The following CD300C variants were observed in gnomAD, a reference collection of about 807,000 sequenced individuals.
CD300C encodes CMRF35-like molecule 6.
A neutral mutation model predicts 18.4 loss-of-function variants in CD300C; 11 were observed. That is an observed-to-expected ratio of 0.60 (90% CI 0.38 to 0.99). The LOEUF (loss-of-function observed/expected upper bound fraction) is 0.99. Ranked by LOEUF, CD300C falls within the 50% of genes least tolerant of loss-of-function variation. The probability of loss-of-function intolerance (pLI) is 0.01; values close to 1 mark genes in which losing one functional copy is unlikely to be tolerated. For missense variants in CD300C, 277 were observed against 287.4 expected, an observed-to-expected ratio of 0.96 and a Z score of 0.26; for synonymous variants, 116 against 116.3, an observed-to-expected ratio of 1.00 and a Z score of 0.02.
chr17:74,539,042 A>T (rs1908461708), downstream of CD300C, among the ~76,000 whole-genome samples: 1 of 152,210 alleles, frequency 6.6e-6, no homozygotes, highest in South Asian at 2.1e-4. Context: ...CAAGGAGGCT[A>T]GTCAGATACA....
intron 3 of CD300C, 21 bp downstream of exon 3, chr17:74,542,839 GT>G (rs1427964342): frequency 6.3e-7 from 1 of 1,599,968 alleles, no homozygotes; most frequent in South Asian, 1.1e-5. Flanking sequence ...GCGTGGCCCA[GT>G]CCTATGCGCA....
intron 1 of CD300C, among the ~76,000 whole-genome samples, 179 bp downstream of exon 1, chr17:74,545,543 T>C (rs1481040190): frequency 6.6e-6 from 1 of 152,202 alleles, no homozygotes; most frequent in Non-Finnish European, 1.5e-5. Context: ...CCCCGTGCTG[T>C]GCCCTGCCGC....
chr17:74,544,786 C>T lies in CD300C; in HGVS notation c.223G>A (p.Ala75Thr), dbSNP rs1199397529. 7 of 1,614,276 alleles carry T rather than the reference C, an allele frequency of 4.3e-6. No individual in the cohort carries two copies. Among genetic ancestry groups the T allele is most frequent in the Non-Finnish European group, 5.9e-6 (7 of 1,180,054 alleles). ...GACACTCGGCCATTCCTTTTCCCTG[C>T]TGACCCTTTGGTCTCCACAATCTTG... The part of the protein sequence containing the change: ...CDKIVETKGS[A>T]GKRNGRVSIR... The change falls in exon 2 of 4, where the codon GCA becomes ACA. Residue 75 changes from alanine (A) to threonine (T), a missense_variant. Physicochemically the swap from Ala to Thr is moderately conservative, Grantham distance 58. Coordinates refer to ENST00000330793, the MANE Select transcript of CD300C (RefSeq NM_006678.5).
the CD300C span, among the ~76,000 whole-genome samples, chr17:74,535,830 A>G: frequency 6.6e-6 from 1 of 152,240 alleles, no homozygotes; most frequent in African/African-American, 2.4e-5. Flanking sequence ...AAGACATTTA[A>G]ATACAGCTAT....
chr17:74,536,935 C>CA (rs758760856), downstream of CD300C, among the ~76,000 whole-genome samples: 21 of 139,472 alleles, frequency 1.5e-4, no homozygotes, highest in Non-Finnish European at 2.5e-4. Flanking sequence ...GTAATGGCAA[C>CA]ACAAAAAGAA....
chr17:74,543,896 T>G lies in CD300C; in HGVS notation c.400+713A>C, dbSNP rs149006508. ...GGTCCCTTTGCCTGAGGGGGCAATT[T>G]CTGGGGTTCCCTCCTGTGGTAAAAG... is the stretch of plus-strand genomic sequence containing the variant. On this transcript the variant is annotated intron_variant, in intron 2 of 3. Transcript: ENST00000330793. Among the ~76,000 whole-genome samples, 364 of 152,242 alleles carry G rather than the reference T, an allele frequency of 2.4e-3. 1 individual carries two copies. Among genetic ancestry groups the G allele is most frequent in the Non-Finnish European group, 2.2e-3 (152 of 67,994 alleles).
Position 74,544,786 on chromosome 17 carries a change from C to A in CD300C, c.223G>T (p.Ala75Ser). Residue 75 changes from alanine (A) to serine (S), a missense_variant, in exon 2 of 4, where the codon GCA becomes TCA. Ala to Ser is a moderately conservative substitution (Grantham distance 99). Coordinates refer to ENST00000330793, the MANE Select transcript of CD300C (RefSeq NM_006678.5). ...CDKIVETKGS[A>S]GKRNGRVSIR... ...GACACTCGGCCATTCCTTTTCCCTG[C>A]TGACCCTTTGGTCTCCACAATCTTG... is the stretch of plus-strand genomic sequence containing the variant. 1.2e-6 allele frequency: 2 copies of A among 1,614,276 alleles called. No individual in the cohort carries two copies. Among genetic ancestry groups the A allele is most frequent in the Non-Finnish European group, 8.5e-7 (1 of 1,180,054 alleles).
the CD300C span, among the ~76,000 whole-genome samples, chr17:74,535,232 G>T: frequency 7.2e-5 from 11 of 152,256 alleles, no homozygotes; most frequent in Admixed American, 6.5e-4. Context: ...ACTTTGGGAG[G>T]CTGAGGCAGA....
Position 74,545,788 on chromosome 17 carries a change from T to C in CD300C, c.-6A>G, listed in dbSNP as rs1315313385. On this transcript the variant is annotated 5_prime_UTR_variant, in exon 1 of 4. Coordinates refer to ENST00000330793, the MANE Select transcript of CD300C (RefSeq NM_006678.5). ...GCCCAGGCCCTGGCAGTCATTCCTG[T>C]AACACGAATGTCACCTGCCACTGTG... 1 of 1,604,426 alleles carries C rather than the reference T, an allele frequency of 6.2e-7. No individual in the cohort carries two copies. Among genetic ancestry groups the C allele is most frequent in the South Asian group, 1.1e-5 (1 of 89,520 alleles).
rs769605668 is a variant in CD300C, at chr17:74,544,756, T to A, written c.253A>T (p.Arg85Trp). ...AGKRNGRVSI[R>W]DSPANLSFTV... ...AAGCTGAGGTTTGCAGGACTGTCCC[T>A]GATGGACACTCGGCCATTCCTTTTC... Residue 85 changes from arginine (R) to tryptophan (W), a missense_variant, in exon 2 of 4, where the codon AGG becomes TGG. Arg to Trp is a moderately radical substitution (Grantham distance 101, BLOSUM62 -3). Coordinates refer to ENST00000330793, the MANE Select transcript of CD300C (RefSeq NM_006678.5). 8.7e-6 allele frequency: 14 copies of A among 1,614,258 alleles called. No homozygotes were observed. In the South Asian group the frequency reaches 1.5e-4, roughly 18 times the overall value.
At position 74,542,998 on chromosome 17, in the gene CD300C, AAC is replaced by A; in HGVS notation, c.401-13_401-12del. 6.2e-7 allele frequency: 1 copy of A among 1,613,144 alleles called. No homozygotes were observed. Among genetic ancestry groups the A allele is most frequent in the Non-Finnish European group, 8.5e-7 (1 of 1,179,998 alleles). ...CTGTGGTCGTCCCGGCTGTGGGTGA[AAC>A]ACAGGTCAACCTTGATGACATCACA... On this transcript the variant is annotated splice_polypyrimidine_tract_variant and intron_variant, in intron 2 of 3. Transcript: ENST00000330793.
At chr17:74,538,027 G>A (rs190499616), downstream of CD300C, among the ~76,000 whole-genome samples, 43 of 152,340 alleles carry the variant, frequency 2.8e-4, no homozygotes, top group African/African-American at 1.0e-3. Flanking sequence ...GGCTTCATGA[G>A]TATGAATGAT....
At chr17:74,544,524 C>T (rs1908677985) in intron 2 of CD300C, 85 bp downstream of exon 2, 1 of 1,463,112 alleles carries the variant, frequency 6.8e-7, no homozygotes, top group South Asian at 1.3e-5. Context: ...AGGCTCACAC[C>T]CTCCTGTTCC....
chr17:74,535,251 G>A, the CD300C span, among the ~76,000 whole-genome samples: 3 of 151,896 alleles, frequency 2.0e-5, no homozygotes, highest in Admixed American at 6.6e-5. Context: ...GATGGATCAC[G>A]AGGTCATCAG....
rs748644474 is a variant in CD300C at position 74,542,930 on chromosome 17, G to A, written c.458C>T (p.Thr153Met). 11 of 1,613,020 alleles carry A rather than the reference G, an allele frequency of 6.8e-6. No individual in the cohort carries two copies. Among genetic ancestry groups the A allele is most frequent in the Admixed American group, 1.7e-5 (1 of 60,002 alleles). The change falls in exon 3 of 4, where the codon ACG becomes ATG. Residue 153 changes from threonine (T) to methionine (M), a missense_variant. By Grantham distance (81) the Thr-to-Met change is moderately conservative (BLOSUM62 -1). Coordinates refer to ENST00000330793, the MANE Select transcript of CD300C (RefSeq NM_006678.5). ...QSSMGTSGPP[T>M]KLPVHTWPSV... ...GGGCCAGGTGTGCACGGGCAGCTTC[G>A]TGGGAGGACCTGAGGTGCCCATGGA...
rs1478582619 is a variant in CD300C, at chr17:74,544,841, C to G, written c.168G>C (p.Trp56Cys). Reference sequence around the variant, plus strand: ...ATCGGAGAATCTGTGGTGGTCTGCACCAGAATTTGTTGAGGGTCCTGTGTT... The same window carrying G: ...ATCGGAGAATCTGTGGTGGTCTGCAGCAGAATTTGTTGAGGGTCCTGTGTT... ...EKEHRTLNKF[W>C]CRPPQILRCD... is the part of the protein sequence containing the mutation. Residue 56 changes from tryptophan (W) to cysteine (C), a missense_variant, in exon 2 of 4, where the codon TGG (tryptophan) becomes TGC (cysteine). Coordinates refer to ENST00000330793, the MANE Select transcript of CD300C (RefSeq NM_006678.5). The G allele has an allele frequency of 1.2e-6, 2 of 1,614,120 alleles. No homozygotes were observed. Among genetic ancestry groups the G allele is most frequent in the Non-Finnish European group, 1.7e-6 (2 of 1,180,048 alleles).
chr17:74,544,707 G>A lies in CD300C; in HGVS notation c.302C>T (p.Thr101Ile), dbSNP rs1908688271. ...LSFTVTLENL[T>I]EEDAGTYWCG... ...CCAGTAGGTGCCTGCGTCCTCCTCT[G>A]TGAGATTCTCCAGGGTCACTGTGAA... is the stretch of plus-strand genomic sequence containing the variant. Residue 101 changes from threonine (T) to isoleucine (I), a missense_variant, in exon 2 of 4, where the codon ACA becomes ATA. Physicochemically the swap from Thr to Ile is moderately conservative, Grantham distance 89 (BLOSUM62 -1). Coordinates refer to ENST00000330793, the MANE Select transcript of CD300C (RefSeq NM_006678.5). 3 of 1,614,118 alleles carry A rather than the reference G, an allele frequency of 1.9e-6. No homozygotes were observed. Among genetic ancestry groups the A allele is most frequent in the African/African-American group, 2.7e-5 (2 of 74,950 alleles).
rs759032539 is a variant in CD300C at position 74,544,812 on chromosome 17, T to G, written c.197A>C (p.Asp66Ala). 2.4e-5 allele frequency: 39 copies of G among 1,614,134 alleles called. 1 individual carries two copies. Among genetic ancestry groups the G allele is most frequent in the Non-Finnish European group, 2.1e-5 (25 of 1,180,058 alleles). ...WCRPPQILRC[D>A]KIVETKGSAG... ...TGACCCTTTGGTCTCCACAATCTTG[T>G]CACATCGGAGAATCTGTGGTGGTCT... is the stretch of plus-strand genomic sequence containing the variant. Residue 66 changes from aspartate to alanine, a missense_variant, in exon 2 of 4, where the codon GAC (aspartate) becomes GCC (alanine). Coordinates refer to ENST00000330793, the MANE Select transcript of CD300C (RefSeq NM_006678.5).
chr17:74,544,837 T>C lies in CD300C; in HGVS notation c.172A>G (p.Arg58Gly). 2 of 1,614,242 alleles carry C rather than the reference T, an allele frequency of 1.2e-6. No homozygotes were observed. The highest frequency in any genetic ancestry group is 1.1e-5 in the South Asian group (1 of 91,084). Residue 58 changes from arginine to glycine, a missense_variant, in exon 2 of 4, where the codon AGA (arginine) becomes GGA (glycine). By Grantham distance (125) the Arg-to-Gly change is moderately radical (BLOSUM62 -2). Transcript: ENST00000330793. The stretch of plus-strand genomic sequence containing the variant: ...TCACATCGGAGAATCTGTGGTGGTC[T>C]GCACCAGAATTTGTTGAGGGTCCTG... ...EHRTLNKFWC[R>G]PPQILRCDKI...
Sources: allele counts gnomAD v4.1 joint callset (sites outside exome capture counted in the v4.1 genomes callset), GRCh38; gene constraint gnomAD v4.1.1; transcripts MANE v1.5; gene names NCBI Gene and HGNC (gene_info 2026-07-23, HGNC 2026-07-21).